Variants in MTUS2 observed in about 807,000 individuals in gnomAD.
MTUS2 encodes microtubule associated scaffold protein 2.
MTUS2 carries 40 observed loss-of-function variants against 114.1 expected under a neutral mutation model. That is an observed-to-expected ratio of 0.35 (90% confidence interval 0.27 to 0.46). The LOEUF is 0.46. Ranked by LOEUF, MTUS2 falls within the 20% of genes least tolerant of loss-of-function variation. MTUS2 has a pLI of 1.00. For synonymous variants in MTUS2, 688 were observed against 672.0 expected (o/e 1.02, Z -0.37); for missense variants, 1,679 against 1,705.4 (o/e 0.98, Z 0.27).
intron 5 of MTUS2, among the ~76,000 whole-genome samples, chr13:29,180,040 A>C (rs916350964): frequency 2.6e-5 from 4 of 152,216 alleles, no homozygotes; most frequent in Admixed American, 1.3e-4. Flanking sequence ...AATTTGGTTA[A>C]CTACTTTGTC....
At position 29,351,218 on chromosome 13, in the gene MTUS2, G is replaced by C. The variant is rs149736193; in HGVS notation, c.2906-8044G>C. 3.3e-5 allele frequency among the ~76,000 whole-genome samples: 5 copies of C among 151,964 alleles called. No individual in the cohort carries two copies. In the East Asian group the frequency reaches 9.7e-4, roughly 29 times the overall value. ...ATGATGCTTCTTTTTTCAGATTACTGAATATCAAAGAAAATCAACTGAAAT... is the reference window on the plus strand; with the variant it reads ...ATGATGCTTCTTTTTTCAGATTACTCAATATCAAAGAAAATCAACTGAAAT... On this transcript the variant is annotated intron_variant, in intron 7 of 15. Transcript: ENST00000612955.
At chr13:28,999,346 C>A (rs1229406016) in intron 2 of MTUS2, among the ~76,000 whole-genome samples, 1 of 152,184 alleles carries the variant, frequency 6.6e-6, no homozygotes, top group East Asian at 1.9e-4. Context: ...CAGGGACCCA[C>A]TTGAGGAGGC....
chr13:28,995,028 T>A (rs1420765335), intron 2 of MTUS2, among the ~76,000 whole-genome samples: 3 of 152,216 alleles, frequency 2.0e-5, no homozygotes, highest in African/African-American at 4.8e-5. Flanking sequence ...GGTTTTATGG[T>A]TTTAGGTCTA....
chr13:29,447,049 G>A lies in MTUS2; in HGVS notation c.3184+7000G>A, dbSNP rs1409750770. Among the ~76,000 whole-genome samples, 7 of 152,210 alleles carry A rather than the reference G, an allele frequency of 4.6e-5. No individual in the cohort carries two copies. The South Asian group carries it at 1.2e-3, about 27-fold the overall frequency. On this transcript the variant is annotated intron_variant, in intron 9 of 15. Transcript: ENST00000612955. ...TGATGCTCAAAAGAAATGCTGATTG[G>A]ATACTTTCGGATTTAAGATTTTTAA...
At chr13:29,046,113 A>T (rs1442408494) in intron 4 of MTUS2, among the ~76,000 whole-genome samples, 1 of 79,940 alleles carries the variant, frequency 1.3e-5, no homozygotes, top group African/African-American at 4.8e-5. Context: ...CTTGGTTAGT[A>T]AGTATTTTTT....
At chr13:29,231,590 C>T (rs1473707153) in intron 5 of MTUS2, among the ~76,000 whole-genome samples, 2 of 152,202 alleles carry the variant, frequency 1.3e-5, no homozygotes, top group South Asian at 2.1e-4. Context: ...TCAGGATACA[C>T]GATTACAGCT....
At chr13:28,821,435 T>G (rs1050938573) in intron 1 of MTUS2, among the ~76,000 whole-genome samples, 1 of 152,224 alleles carries the variant, frequency 6.6e-6, no homozygotes, top group African/African-American at 2.4e-5. Context: ...ATTGAATGAT[T>G]TTATTTTTAT....
At chr13:29,247,659 T>C (rs1280261459) in intron 5 of MTUS2, among the ~76,000 whole-genome samples, 1 of 152,162 alleles carries the variant, frequency 6.6e-6, no homozygotes, top group Non-Finnish European at 1.5e-5. Context: ...ATGCTCATCA[T>C]CACTAATTAT....
intron 5 of MTUS2, among the ~76,000 whole-genome samples, chr13:29,121,742 C>T (rs1377369457): frequency 1.3e-5 from 2 of 152,014 alleles, no homozygotes; most frequent in East Asian, 1.9e-4. Context: ...CCGCAACCTC[C>T]GCCTCCCGGC....
At position 29,440,464 on chromosome 13, in the gene MTUS2, G is replaced by C. The variant is rs185703569; in HGVS notation, c.3184+415G>C. ...GAACAAGGTCAAAAGCACAAATCTG[G>C]TTGGATTAAAAATACGAGAGTTCAT... is the stretch of plus-strand genomic sequence containing the variant. On this transcript the variant is annotated intron_variant, in intron 9 of 15. Coordinates refer to ENST00000612955, the MANE Select transcript of MTUS2 (RefSeq NM_001033602.4). 4.6e-5 allele frequency among the ~76,000 whole-genome samples: 7 copies of C among 152,262 alleles called. No homozygotes were observed. In the East Asian group the frequency reaches 1.4e-3, roughly 29 times the overall value.
chr13:28,832,017 G>C (rs1874720941), intron 1 of MTUS2, among the ~76,000 whole-genome samples: 1 of 152,016 alleles, frequency 6.6e-6, no homozygotes, highest in Non-Finnish European at 1.5e-5. Context: ...GCCTGCCTCA[G>C]CCTCCCCAAG....
At chr13:29,436,117 A>G (rs983355184) in intron 8 of MTUS2, among the ~76,000 whole-genome samples, 1 of 152,176 alleles carries the variant, frequency 6.6e-6, no homozygotes, top group Admixed American at 6.5e-5. Context: ...AGTAGTCAGG[A>G]GCGGACCCTG....
At chr13:29,383,040 G>A (rs1429368519) in intron 8 of MTUS2, among the ~76,000 whole-genome samples, 1 of 152,078 alleles carries the variant, frequency 6.6e-6, no homozygotes, top group African/African-American at 2.4e-5. Flanking sequence ...GTAGATTGCA[G>A]TGCACCTATT....
At chr13:29,109,962 G>C (rs1890818698) in intron 5 of MTUS2, among the ~76,000 whole-genome samples, 1 of 152,230 alleles carries the variant, frequency 6.6e-6, no homozygotes, top group Non-Finnish European at 1.5e-5. Context: ...TATCGTTTTT[G>C]AGACATGAAA....
intron 8 of MTUS2, among the ~76,000 whole-genome samples, chr13:29,364,201 A>T (rs1870511540): frequency 6.6e-6 from 1 of 152,212 alleles, no homozygotes; most frequent in African/African-American, 2.4e-5. Flanking sequence ...AGCTGTTGCC[A>T]TAAAAAAAAT....
At chr13:29,265,732 G>A (rs573860335) in intron 5 of MTUS2, among the ~76,000 whole-genome samples, 2 of 152,266 alleles carry the variant, frequency 1.3e-5, no homozygotes, top group South Asian at 4.1e-4. Flanking sequence ...GAGCAAGGAG[G>A]GGGTCTGCTA....
intron 3 of MTUS2, 27 bp downstream of exon 3, chr13:29,026,930 C>A: frequency 1.3e-6 from 2 of 1,534,214 alleles, no homozygotes; most frequent in South Asian, 2.5e-5. Flanking sequence ...ATGATATGGT[C>A]TATAAGTTGA....
At chr13:29,180,157 C>T (rs12866752) in intron 5 of MTUS2, among the ~76,000 whole-genome samples, 22,022 of 152,200 alleles carry the variant, frequency 0.14, 1,808 homozygotes, top group East Asian at 0.31. Context: ...ATTTATGCAT[C>T]TTTAATGTTA....
In MTUS2 at chr13:29,034,003, T is replaced by C. The variant is rs772993050; in HGVS notation, c.2324T>C (p.Met775Thr). The change falls in exon 4 of 16, where the codon ATG (methionine) becomes ACG (threonine). Residue 775 changes from methionine to threonine, a missense_variant. Met to Thr is a moderately conservative substitution (Grantham distance 81). Coordinates refer to ENST00000612955, the MANE Select transcript of MTUS2 (RefSeq NM_001033602.4). ...AAGCCCCAGCTAGGATTGGGTGCAA[T>C]GTCCCGTTTACCATCTGCAAAGAGC... Reference protein sequence around the residue: ...LLKPQLGLGAMSRLPSAKSRI... With the variant: ...LLKPQLGLGATSRLPSAKSRI... 1 of 1,614,002 alleles carries C rather than the reference T, an allele frequency of 6.2e-7. No homozygotes were observed. The highest frequency in any genetic ancestry group is 8.5e-7 in the Non-Finnish European group (1 of 1,179,896).
Sources: gnomAD v4.1 joint callset for allele counts (sites outside exome capture counted in the v4.1 genomes callset) on GRCh38, gnomAD v4.1.1 for gene constraint, MANE v1.5 for transcripts, NCBI Gene and HGNC (gene_info 2026-07-23, HGNC 2026-07-21) for gene names.